KLHL1: variants seen among roughly 807,000 people sequenced by gnomAD.
The protein encoded by KLHL1 is kelch-like protein 1.
A neutral mutation model predicts 77.7 loss-of-function variants in KLHL1; 47 were observed. That is an observed-to-expected ratio of 0.60 (90% CI 0.48 to 0.77). KLHL1 has a LOEUF of 0.77. KLHL1 is among the 30% of genes least tolerant of loss of function. The pLI is 0.00. For missense variants in KLHL1, 925 were observed against 910.8 expected (o/e 1.02, Z -0.20); for synonymous variants, 360 against 325.2 (o/e 1.11, Z -1.15).
chr13:69,989,055 A>G (rs915988487), intron 1 of KLHL1, among the ~76,000 whole-genome samples: 3 of 151,952 alleles, frequency 2.0e-5, no homozygotes, highest in African/African-American at 7.2e-5. Context: ...TCAAAATAGT[A>G]TTTTCTAGGT....
chr13:69,940,081 C>G lies in KLHL1; in HGVS notation c.973G>C (p.Gly325Arg). The change falls in exon 4 of 11, where the codon GGA (glycine) becomes CGA (arginine). Residue 325 changes from glycine to arginine, a missense_variant. Coordinates refer to ENST00000377844, the MANE Select transcript of KLHL1 (RefSeq NM_020866.3). ...LGIRAFADAQGCIELMKVAHS... is the reference protein window; with the variant it reads ...LGIRAFADAQRCIELMKVAHS... ...GCCACCTTCATTAACTCAATGCATC[C>G]TTGAGCATCTGCGAAGGCTCGAATT... is the stretch of plus-strand genomic sequence containing the variant. 1 of 1,612,308 alleles carries G rather than the reference C, an allele frequency of 6.2e-7. No individual in the cohort carries two copies. The highest frequency in any genetic ancestry group is 8.5e-7 in the Non-Finnish European group (1 of 1,179,254).
intron 8 of KLHL1, among the ~76,000 whole-genome samples, chr13:69,735,654 G>C (rs1873735192): frequency 6.6e-6 from 1 of 150,804 alleles, no homozygotes; most frequent in East Asian, 2.0e-4. Context: ...AATTTAAACA[G>C]CACTAAAATA....
At chr13:69,939,866 T>C (rs1328503663) in intron 4 of KLHL1, among the ~76,000 whole-genome samples, 174 bp downstream of exon 4, 1 of 152,200 alleles carries the variant, frequency 6.6e-6, no homozygotes, top group Admixed American at 6.6e-5. Flanking sequence ...ATAGAATGTG[T>C]TTTTTAAAAT....
chr13:70,004,881 G>T (rs1260489233), intron 1 of KLHL1, among the ~76,000 whole-genome samples: 1 of 151,050 alleles, frequency 6.6e-6, no homozygotes, highest in African/African-American at 2.4e-5. Context: ...AACTATAACT[G>T]ATATTAATAT....
intron 1 of KLHL1, among the ~76,000 whole-genome samples, chr13:69,991,718 T>C (rs549206476): frequency 6.6e-6 from 1 of 151,608 alleles, no homozygotes; most frequent in Non-Finnish European, 1.5e-5. Flanking sequence ...ACAGTCAAAT[T>C]CTACCAGAAG....
chr13:69,885,673 T>A (rs1404168141), intron 4 of KLHL1, among the ~76,000 whole-genome samples: 2 of 152,200 alleles, frequency 1.3e-5, no homozygotes, highest in African/African-American at 2.4e-5. Flanking sequence ...ACAAGAGGCC[T>A]GTATGCCTTT....
chr13:69,951,493 A>G (rs1389165885), intron 3 of KLHL1, among the ~76,000 whole-genome samples: 1 of 151,432 alleles, frequency 6.6e-6, no homozygotes, highest in Non-Finnish European at 1.5e-5. Flanking sequence ...ATGCTTAAAT[A>G]TTTTATTCAG....
chr13:69,793,026 A>G (rs1349165252), intron 7 of KLHL1, among the ~76,000 whole-genome samples: 2 of 152,120 alleles, frequency 1.3e-5, no homozygotes, highest in African/African-American at 4.8e-5. Context: ...TAACTTTATG[A>G]TATGTGAATT....
chr13:69,993,965 G>T (rs1885088213), intron 1 of KLHL1, among the ~76,000 whole-genome samples: 1 of 152,046 alleles, frequency 6.6e-6, no homozygotes, highest in Non-Finnish European at 1.5e-5. Context: ...AAAGGACAAA[G>T]ATTTGGGTCA....
chr13:69,982,319 C>T (rs11843928), intron 1 of KLHL1, among the ~76,000 whole-genome samples: 22,788 of 150,866 alleles, frequency 0.15, 3,642 homozygotes, highest in African/African-American at 0.41. Flanking sequence ...ATCTGTAGTC[C>T]CAGCTGATTG....
chr13:69,852,555 ATCAG>A (rs1879733419), intron 5 of KLHL1, among the ~76,000 whole-genome samples: 1 of 152,022 alleles, frequency 6.6e-6, no homozygotes, highest in African/African-American at 2.4e-5. Flanking sequence ...ATTAGAAGGT[ATCAG>A]TCAGCATTTT....
chr13:69,939,273 T>C (rs894762062), intron 4 of KLHL1, among the ~76,000 whole-genome samples: 1 of 145,084 alleles, frequency 6.9e-6, no homozygotes, highest in African/African-American at 2.5e-5. Flanking sequence ...AACTGTACAA[T>C]TGAAATGGCT....
chr13:69,785,202 A>C (rs568953204), intron 7 of KLHL1, among the ~76,000 whole-genome samples: 2 of 152,040 alleles, frequency 1.3e-5, no homozygotes, highest in South Asian at 4.2e-4. Flanking sequence ...CAGAATATAC[A>C]TTTTTTTCAG....
chr13:69,813,624 C>T lies in KLHL1; in HGVS notation c.1415-16662G>A, dbSNP rs533442675. ...TACAAATAATGTTCAAGGTGAGAAC[C>T]GAATCAAGAATCCCATCTCATTTAC... On this transcript the variant is annotated intron_variant, in intron 6 of 10. Transcript: ENST00000377844. 5.3e-5 allele frequency among the ~76,000 whole-genome samples: 8 copies of T among 151,570 alleles called. No homozygotes were observed. The East Asian group carries it at 9.8e-4, about 18-fold the overall frequency.
In KLHL1 at chr13:69,773,887, AGAATAAAACG is replaced by A. The variant is rs1386982748; in HGVS notation, c.1639+22841_1639+22850del. Among the ~76,000 whole-genome samples, 283 of 151,496 alleles carry A rather than the reference AGAATAAAACG, an allele frequency of 1.9e-3. 1 individual carries two copies. The highest frequency in any genetic ancestry group is 6.5e-3 in the African/African-American group (268 of 41,374). ...GCTATATATATATATATATATACAT[AGAATAAAACG>A]TATTGTGGGAGTTTCAATCTAATAT... On this transcript the variant is annotated intron_variant, in intron 7 of 10. Transcript: ENST00000377844.
chr13:69,998,639 C>T (rs1885214786), intron 1 of KLHL1, among the ~76,000 whole-genome samples: 1 of 151,958 alleles, frequency 6.6e-6, no homozygotes, highest in East Asian at 1.9e-4. Flanking sequence ...TAACTAGGAC[C>T]TTAATTAGTT....
At chr13:69,815,962 T>C (rs1878103394) in intron 6 of KLHL1, among the ~76,000 whole-genome samples, 1 of 151,930 alleles carries the variant, frequency 6.6e-6, no homozygotes, top group Admixed American at 6.6e-5. Context: ...ATGAAAAGGC[T>C]ATATTTTGTT....
chr13:69,912,356 GA>G (rs896718963), intron 4 of KLHL1, among the ~76,000 whole-genome samples: 4 of 151,898 alleles, frequency 2.6e-5, no homozygotes, highest in African/African-American at 7.3e-5. Context: ...AATAATCTCA[GA>G]AAAAAAGAGT....
chr13:69,937,097 G>T (rs1883210231), intron 4 of KLHL1, among the ~76,000 whole-genome samples: 1 of 152,128 alleles, frequency 6.6e-6, no homozygotes, highest in Non-Finnish European at 1.5e-5. Context: ...TCCCCCAAAA[G>T]GCAGAGCTGA....
Sources: gnomAD v4.1 joint callset for allele counts (sites outside exome capture counted in the v4.1 genomes callset) on GRCh38, gnomAD v4.1.1 for gene constraint, MANE v1.5 for transcripts, NCBI Gene and HGNC (gene_info 2026-07-23, HGNC 2026-07-21) for gene names.